TRPM3: variants seen among roughly 807,000 people sequenced by gnomAD.
TRPM3 encodes long transient receptor potential channel 3.
In TRPM3, 77 loss-of-function variants were observed where a neutral mutation model predicts 181.2. The ratio of observed to expected loss-of-function variants is 0.42; its 90% CI spans 0.35 to 0.51. The LOEUF is 0.51. Ranked by LOEUF, TRPM3 falls within the 20% of genes least tolerant of loss-of-function variation. TRPM3 has a pLI of 0.01. For missense variants in TRPM3, 1,759 were observed against 2,196.7 expected, an observed-to-expected ratio of 0.80 and a Z score of 3.98; for synonymous variants, 745 against 796.4, an observed-to-expected ratio of 0.94 and a Z score of 1.09.
chr9:71,327,236 G>A (rs1031821168), intron 1 of TRPM3, among the ~76,000 whole-genome samples: 7 of 152,212 alleles, frequency 4.6e-5, no homozygotes, highest in South Asian at 2.1e-4. Context: ...TTGTTCAAAT[G>A]TTATGGGGAG....
chr9:70,576,942 C>A (rs2054182790), intron 22 of TRPM3, among the ~76,000 whole-genome samples: 1 of 152,196 alleles, frequency 6.6e-6, no homozygotes, highest in Non-Finnish European at 1.5e-5. Flanking sequence ...CCTTCCCCAG[C>A]TCTTTTCATG....
intron 1 of TRPM3, among the ~76,000 whole-genome samples, chr9:71,060,021 G>A (rs2061128359): frequency 1.3e-5 from 2 of 152,066 alleles, no homozygotes; most frequent in African/African-American, 4.8e-5. Flanking sequence ...CCTGAGAGCT[G>A]TATACATACA....
intron 25 of TRPM3, among the ~76,000 whole-genome samples, chr9:70,546,929 T>C (rs1359284411): frequency 6.6e-6 from 1 of 152,204 alleles, no homozygotes; most frequent in Non-Finnish European, 1.5e-5. Flanking sequence ...ATATTGTATT[T>C]AGCTCTTTAC....
At chr9:71,070,577 T>G (rs1225998112) in intron 1 of TRPM3, among the ~76,000 whole-genome samples, 2 of 152,198 alleles carry the variant, frequency 1.3e-5, no homozygotes, top group Non-Finnish European at 2.9e-5. Flanking sequence ...GAACAACATT[T>G]GCAAAATTCT....
chr9:70,842,098 T>C (rs2094707671), intron 5 of TRPM3, among the ~76,000 whole-genome samples: 1 of 152,134 alleles, frequency 6.6e-6, no homozygotes, highest in Non-Finnish European at 1.5e-5. Context: ...GTTTGTTTAC[T>C]GCTTGTGTTT....
chr9:71,296,914 A>G (rs1474632401), intron 1 of TRPM3, among the ~76,000 whole-genome samples: 1 of 152,058 alleles, frequency 6.6e-6, no homozygotes, highest in Non-Finnish European at 1.5e-5. Flanking sequence ...TGAACATGAG[A>G]AACACTGCAG....
chr9:70,783,096 T>C (rs1346309797), intron 7 of TRPM3, among the ~76,000 whole-genome samples: 1 of 152,210 alleles, frequency 6.6e-6, no homozygotes, highest in Non-Finnish European at 1.5e-5. Context: ...ATTTTTGTTT[T>C]GTAATACTTG....
intron 1 of TRPM3, among the ~76,000 whole-genome samples, chr9:71,398,503 C>T (rs2093255233): frequency 6.6e-6 from 1 of 152,052 alleles, no homozygotes; most frequent in African/African-American, 2.4e-5. Context: ...GTGGATTTCC[C>T]CCATGGTGTC....
chr9:70,887,246 G>T (rs1312324033), intron 1 of TRPM3, among the ~76,000 whole-genome samples: 1 of 152,132 alleles, frequency 6.6e-6, no homozygotes, highest in African/African-American at 2.4e-5. Context: ...AGCTCAAATT[G>T]TGTCCTGTCA....
chr9:70,870,843 C>A (rs73459206), intron 1 of TRPM3, among the ~76,000 whole-genome samples: 9,376 of 152,008 alleles, frequency 0.062, 375 homozygotes, highest in Middle Eastern at 0.12. Context: ...AACTATGTAG[C>A]TAATTTTTAT....
Position 71,286,168 on chromosome 9 carries a change from G to A in TRPM3, c.183+160485C>T, listed in dbSNP as rs144869566. ...AAGGTAGCGAGGTATGGGAATCACC[G>A]CAATTTTGTGAGGTGTCATCAGACC... On this transcript the variant is annotated intron_variant, in intron 1 of 24. Coordinates refer to the TRPM3 transcript ENST00000357533. Among the ~76,000 whole-genome samples the A allele has an allele frequency of 1.3e-4, 20 of 152,272 alleles. No individual in the cohort carries two copies. In the East Asian group the frequency reaches 1.4e-3, roughly 10 times the overall value.
In TRPM3 at chr9:70,843,101, A is replaced by C; in HGVS notation, c.703T>G (p.Leu235Val). Residue 235 changes from leucine (L) to valine (V), a missense_variant, in exon 5 of 26, where the codon TTG becomes GTG. Physicochemically the swap from Leu to Val is conservative, Grantham distance 32. This residue lies in a region of TRPM3 where 737 missense variants were observed against 957.4 expected (regional missense o/e 0.77). Coordinates refer to ENST00000677713, the MANE Select transcript of TRPM3 (RefSeq NM_001366145.2). ...TGVIRHVGDA[L>V]KDHASKSRGK... ...CGAGACTTAGAGGCATGATCCTTCA[A>C]GGCATCGCCAACATGACGAATAACA... 6.2e-7 allele frequency: 1 copy of C among 1,610,348 alleles called. No homozygotes were observed. Among genetic ancestry groups the C allele is most frequent in the East Asian group, 2.2e-5 (1 of 44,826 alleles).
At chr9:70,582,921 G>C (rs1349152905) in intron 22 of TRPM3, among the ~76,000 whole-genome samples, 1 of 152,192 alleles carries the variant, frequency 6.6e-6, no homozygotes, top group Non-Finnish European at 1.5e-5. Context: ...TTATGTCTAG[G>C]ATGCGTGGAA....
chr9:71,226,741 ATAT>A (rs2080687381), intron 1 of TRPM3, among the ~76,000 whole-genome samples: 1 of 152,140 alleles, frequency 6.6e-6, no homozygotes, highest in Admixed American at 6.6e-5. Flanking sequence ...TTTAGAGCAA[ATAT>A]TATTAGAGCT....
At chr9:70,681,676 T>C in intron 8 of TRPM3, 98 bp from the exon 9 acceptor site, 2 of 1,012,860 alleles carry the variant, frequency 2.0e-6, no homozygotes, top group South Asian at 2.6e-5. Flanking sequence ...TCTCTATATC[T>C]ACAAAGTAGA....
chr9:71,209,185 T>C (rs2079315931), intron 1 of TRPM3, among the ~76,000 whole-genome samples: 2 of 152,160 alleles, frequency 1.3e-5, no homozygotes, highest in South Asian at 4.1e-4. Context: ...AATAAGCTTT[T>C]CACTTCTATA....
At chr9:71,338,239 T>G (rs997194231) in intron 1 of TRPM3, among the ~76,000 whole-genome samples, 1 of 152,062 alleles carries the variant, frequency 6.6e-6, no homozygotes, top group Non-Finnish European at 1.5e-5. Context: ...TTCCTTAGAG[T>G]AAGCGCAAGC....
intron 1 of TRPM3, among the ~76,000 whole-genome samples, chr9:71,120,682 C>A (rs2073430480): frequency 1.3e-5 from 2 of 152,178 alleles, no homozygotes; most frequent in Non-Finnish European, 2.9e-5. Context: ...TTCATCTTCA[C>A]CTGACTGGCC....
At chr9:70,541,175 G>A (rs2043240875) in intron 25 of TRPM3, among the ~76,000 whole-genome samples, 1 of 152,232 alleles carries the variant, frequency 6.6e-6, no homozygotes, top group East Asian at 1.9e-4. Flanking sequence ...CATGGTGAGA[G>A]CCCCAAGAGT....
Sources: allele counts gnomAD v4.1 joint callset (sites outside exome capture counted in the v4.1 genomes callset), GRCh38; gene constraint gnomAD v4.1.1; regional missense constraint gnomAD v4.1.1; transcripts MANE v1.5; gene names NCBI Gene and HGNC (gene_info 2026-07-23, HGNC 2026-07-21).